The following APCDD1 variants were observed in gnomAD, a reference collection of about 807,000 sequenced individuals.
APCDD1 encodes the protein protein APCDD1.
APCDD1 carries 15 observed loss-of-function variants against 38.1 expected under a neutral mutation model. That is an observed-to-expected ratio of 0.39 (90% CI 0.26 to 0.61). The LOEUF (loss-of-function observed/expected upper bound fraction) is 0.61. Among genes scored for constraint, APCDD1 ranks in the 20% least tolerant of loss-of-function variants. The pLI, the probability that APCDD1 is intolerant of heterozygous loss-of-function variation, is 0.49. For synonymous variants in APCDD1, 261 were observed against 279.7 expected, an observed-to-expected ratio of 0.93 and a Z score of 0.67; for missense variants, 647 against 696.2, an observed-to-expected ratio of 0.93 and a Z score of 0.79.
At chr18:10,478,563 T>C (rs2031060809) in intron 3 of APCDD1, among the ~76,000 whole-genome samples, 1 of 152,184 alleles carries the variant, frequency 6.6e-6, no homozygotes, top group South Asian at 2.1e-4. Context: ...TGTATCCTCA[T>C]GTGGCAGCAA....
chr18:10,481,392 C>T (rs1027518355), intron 3 of APCDD1, among the ~76,000 whole-genome samples: 7 of 152,104 alleles, frequency 4.6e-5, no homozygotes, highest in Non-Finnish European at 8.8e-5. Context: ...TTTACAACAT[C>T]GATAAAACTT....
chr18:10,486,611 T>C (rs145303003), intron 4 of APCDD1, among the ~76,000 whole-genome samples: 1 of 152,258 alleles, frequency 6.6e-6, no homozygotes, highest in African/African-American at 2.4e-5. Context: ...GCTGTGTCCT[T>C]ATCACTAAAC....
chr18:10,473,189 C>T (rs1467072549), intron 3 of APCDD1, among the ~76,000 whole-genome samples: 1 of 152,238 alleles, frequency 6.6e-6, no homozygotes, highest in Admixed American at 6.5e-5. Context: ...CTGCCAAAGA[C>T]TGCTCCGTGT....
At chr18:10,460,119 T>G (rs1042849087) in intron 1 of APCDD1, among the ~76,000 whole-genome samples, 1 of 152,366 alleles carries the variant, frequency 6.6e-6, no homozygotes, top group Non-Finnish European at 1.5e-5. Flanking sequence ...AATTTTACAT[T>G]TTATTATGTG....
At chr18:10,455,684 G>A (rs891948820) in intron 1 of APCDD1, among the ~76,000 whole-genome samples, 1 of 152,130 alleles carries the variant, frequency 6.6e-6, no homozygotes, top group East Asian at 1.9e-4. Context: ...GTCTCCCAAT[G>A]TGCACCCCAA....
intron 1 of APCDD1, among the ~76,000 whole-genome samples, chr18:10,457,223 A>G (rs1158509735): frequency 6.6e-6 from 1 of 152,214 alleles, no homozygotes; most frequent in African/African-American, 2.4e-5. Context: ...AAGGTTTGCC[A>G]TAATTAGCAA....
chr18:10,487,526 G>T, intron 4 of APCDD1, 64 bp from the exon 5 acceptor site: 1 of 1,528,272 alleles, frequency 6.5e-7, no homozygotes, highest in African/African-American at 1.4e-5. Flanking sequence ...AGTGTTTTCT[G>T]GGTGGGTTTC....
rs1382239615 is a variant in APCDD1 at position 10,468,538 on chromosome 18, C to T, written c.128C>T (p.Ala43Val). The T allele has an allele frequency of 1.2e-6, 2 of 1,614,032 alleles. No individual in the cohort carries two copies. The highest frequency in any genetic ancestry group is 2.7e-5 in the African/African-American group (2 of 74,922). The change falls in exon 2 of 5, where the codon GCC (alanine) becomes GTC (valine). Residue 43 changes from alanine to valine, a missense_variant. Transcript: ENST00000355285. ...CATCCTAGGTCCTTAGAGAAAAGTG[C>T]CTGGAGGGCTTTTAAGGAGTCACAG... ...RSHPRSLEKS[A>V]WRAFKESQCH... is the part of the protein sequence containing the mutation.
chr18:10,459,668 A>T (rs2030480025), intron 1 of APCDD1, among the ~76,000 whole-genome samples: 1 of 152,262 alleles, frequency 6.6e-6, no homozygotes, highest in South Asian at 2.1e-4. Context: ...AATTCAGTAC[A>T]GTCTGCAATA....
At position 10,481,678 on chromosome 18, in the gene APCDD1, G is replaced by GTAA. The variant is rs2031142008; in HGVS notation, c.775-3780_775-3778dup. Among the ~76,000 whole-genome samples, 4 of 117,354 alleles carry GTAA rather than the reference G, an allele frequency of 3.4e-5. No individual in the cohort carries two copies. The South Asian group carries it at 8.3e-4, about 24-fold the overall frequency. 77.0% of individuals were successfully genotyped at this position (117,354 alleles called of 152,430 possible). A position where few individuals can be genotyped will look rare whatever the true frequency, so the allele number is the denominator to read the frequency against. ...TATGTTAGGTATTTTTTTAAACACA[G>GTAA]TAATAAAAAAAAAAAAGCATCTAGT... On this transcript the variant is annotated intron_variant, in intron 3 of 4. Transcript: ENST00000355285.
chr18:10,488,709 A>G lies in APCDD1; in HGVS notation c.*671A>G, dbSNP rs1454020212. 1.3e-5 allele frequency: 2 copies of G among 152,284 alleles called. No homozygotes were observed. Among genetic ancestry groups the G allele is most frequent in the Admixed American group, 1.3e-4 (2 of 15,286 alleles). 9.4% of individuals were successfully genotyped at this position (152,284 alleles called of 1,614,324 possible). ...TCGAAGTAATTTAACCTATTTTTACATCATTTGTCTTACCTTGTTGAGAGA... is the reference window on the plus strand; with the variant it reads ...TCGAAGTAATTTAACCTATTTTTACGTCATTTGTCTTACCTTGTTGAGAGA... On this transcript the variant is annotated 3_prime_UTR_variant, in exon 5 of 5. Coordinates refer to ENST00000355285, the MANE Select transcript of APCDD1 (RefSeq NM_153000.5).
chr18:10,485,889 C>T lies in APCDD1; in HGVS notation c.1096+106C>T. On this transcript the variant is annotated intron_variant, in intron 4 of 4. Transcript: ENST00000355285. The surrounding 1 kb of genome is among the most constrained non-coding windows in gnomAD (Gnocchi z 5.8). ...AGGACCTCTTTTCTGCCTGAGTTCC[C>T]AGGAAAGAAATTGGGGAGTCATTTC... is the stretch of plus-strand genomic sequence containing the variant. The T allele has an allele frequency of 7.7e-7, 1 of 1,297,032 alleles. No individual in the cohort carries two copies. Among genetic ancestry groups the T allele is most frequent in the Non-Finnish European group, 1.1e-6 (1 of 927,862 alleles). 80.3% of individuals were successfully genotyped at this position (1,297,032 alleles called of 1,614,324 possible).
At chr18:10,477,213 A>G (rs2031023512) in intron 3 of APCDD1, 1 of 152,262 alleles carries the variant, frequency 6.6e-6, no homozygotes, top group Non-Finnish European at 1.5e-5. Flanking sequence ...CCAGAAGTTC[A>G]AGAAGTCATG....
chr18:10,483,156 G>C (rs1282323655), intron 3 of APCDD1, among the ~76,000 whole-genome samples: 1 of 152,236 alleles, frequency 6.6e-6, no homozygotes, highest in African/African-American at 2.4e-5. Flanking sequence ...AAGCGGCCGG[G>C]GCTGGCCTTG....
At chr18:10,459,316 G>GCATA (rs1555643900) in intron 1 of APCDD1, among the ~76,000 whole-genome samples, 8 of 150,146 alleles carry the variant, frequency 5.3e-5, no homozygotes, top group Non-Finnish European at 1.2e-4. Context: ...CCACAAGCGT[G>GCATA]CACACACACA....
Position 10,468,507 on chromosome 18 carries a change from A to C in APCDD1, c.97A>C (p.Arg33=). 6.2e-7 allele frequency: 1 copy of C among 1,614,182 alleles called. No homozygotes were observed. Among genetic ancestry groups the C allele is most frequent in the African/African-American group, 1.3e-5 (1 of 75,056 alleles). ...EGSALLHPDS[R]SHPRSLEKSA... ...TTCTGCCCTCCTTCATCCAGACAGC[A>C]GGTCTCATCCTAGGTCCTTAGAGAA... is the stretch of plus-strand genomic sequence containing the variant. Residue 33 remains arginine, a synonymous_variant, in exon 2 of 5, where the codon AGG becomes CGG. Transcript: ENST00000355285.
intron 3 of APCDD1, among the ~76,000 whole-genome samples, chr18:10,484,068 G>C (rs944684297): frequency 5.3e-5 from 8 of 152,218 alleles, no homozygotes; most frequent in African/African-American, 1.4e-4. Context: ...CACAAACCTA[G>C]ACAGCCCTTG....
rs1163450084 is a variant in APCDD1 at position 10,455,058 on chromosome 18, C to CT, written c.58+20dup. The CT allele has an allele frequency of 6.4e-7, 1 of 1,558,202 alleles. No individual in the cohort carries two copies. Among genetic ancestry groups the CT allele is most frequent in the African/African-American group, 1.4e-5 (1 of 73,216 alleles). The stretch of plus-strand genomic sequence containing the variant: ...CTTCACGGTGAGTTCCCGAGGGCCA[C>CT]TCGAGCGCTCCCAGCCGGCGGAGGC... On this transcript the variant is annotated intron_variant, in intron 1 of 4. Coordinates refer to ENST00000355285, the MANE Select transcript of APCDD1 (RefSeq NM_153000.5).
chr18:10,482,517 G>A (rs1446781801), intron 3 of APCDD1, among the ~76,000 whole-genome samples: 9 of 152,204 alleles, frequency 5.9e-5, no homozygotes, highest in Admixed American at 5.2e-4. Context: ...TGCTTCATGT[G>A]GCCTCTCTTA....
Sources: allele counts gnomAD v4.1 joint callset (sites outside exome capture counted in the v4.1 genomes callset), GRCh38; gene constraint gnomAD v4.1.1; non-coding constraint Gnocchi (gnomAD v3.1); transcripts MANE v1.5; gene names NCBI Gene and HGNC (gene_info 2026-07-23, HGNC 2026-07-21).